The following TENM3 variants were observed in gnomAD, a reference collection of about 807,000 sequenced individuals.
The protein encoded by TENM3 is teneurin-3.
A neutral mutation model predicts 255.1 loss-of-function variants in TENM3; 63 were observed. The observed-to-expected ratio is 0.25, with a 90% CI of 0.20 to 0.30. The LOEUF (loss-of-function observed/expected upper bound fraction) is 0.30, where lower values mean the gene tolerates loss of function less well. Among genes scored for constraint, TENM3 ranks in the 10% least tolerant of loss-of-function variants. The probability of loss-of-function intolerance (pLI) is 1.00; values close to 1 mark genes in which losing one functional copy is unlikely to be tolerated. For synonymous variants in TENM3, 1,306 were observed against 1,322.3 expected (o/e 0.99, Z 0.27); for missense variants, 2,929 against 3,461.1 (o/e 0.85, Z 3.86).
the TENM3 span, among the ~76,000 whole-genome samples, chr4:181,609,227 T>C: frequency 6.6e-6 from 1 of 152,216 alleles, no homozygotes; most frequent in African/African-American, 2.4e-5. Context: ...AAATTTACAC[T>C]GTCAATGGTT....
the TENM3 span, among the ~76,000 whole-genome samples, chr4:181,584,622 C>T: frequency 2.6e-5 from 4 of 152,154 alleles, no homozygotes; most frequent in African/African-American, 4.8e-5. Context: ...TACGGTCCTA[C>T]CCCTAAGTTA....
rs1401109420 is a variant in TENM3, at chr4:182,796,644, C to A, written c.7221C>A (p.Asn2407Lys). The A allele has an allele frequency of 5.6e-6, 9 of 1,606,586 alleles. No individual in the cohort carries two copies. Among genetic ancestry groups the A allele is most frequent in the Non-Finnish European group, 6.8e-6 (8 of 1,176,868 alleles). ...TGAACATTCTTCTCCTAGATGTTAA[C>A]AGCTGGCTGGTGACATTTGGTTTCC... is the stretch of plus-strand genomic sequence containing the variant. ...HDVKDYITDV[N>K]SWLVTFGFHL... is the part of the protein sequence containing the mutation. Residue 2407 changes from asparagine (N) to lysine (K), a missense_variant, in exon 27 of 28, where the codon AAC becomes AAA. Transcript: ENST00000511685.
chr4:181,742,612 T>C, the TENM3 span, among the ~76,000 whole-genome samples: 2 of 152,118 alleles, frequency 1.3e-5, no homozygotes, highest in African/African-American at 4.8e-5. Context: ...ATAAGTACTA[T>C]GGAGAAAAAT....
At chr4:181,595,535 C>T in the TENM3 span, among the ~76,000 whole-genome samples, 8 of 151,378 alleles carry the variant, frequency 5.3e-5, no homozygotes, top group African/African-American at 9.7e-5. Context: ...GGACCAGCAA[C>T]GTGGATTTCA....
rs187746818 is a variant in TENM3 at position 182,361,235 on chromosome 4, G to A, written c.511+14306G>A. The stretch of plus-strand genomic sequence containing the variant: ...TCTTCTCGAGGAGTATCTTTGTGGC[G>A]TTCTCTGTATTTCCTGAATCTGAAT... On this transcript the variant is annotated intron_variant, in intron 3 of 27. Transcript: ENST00000511685. Among the ~76,000 whole-genome samples the A allele has an allele frequency of 2.3e-3, 345 of 152,102 alleles. 7 individuals are homozygous for A. The highest frequency in any genetic ancestry group is 2.9e-4 in the Non-Finnish European group (20 of 67,998).
At chr4:181,851,505 G>A in the TENM3 span, among the ~76,000 whole-genome samples, 5 of 152,130 alleles carry the variant, frequency 3.3e-5, no homozygotes, top group Non-Finnish European at 1.5e-5. Context: ...CCCATCTGTA[G>A]GGTAGATACG....
chr4:182,099,421 G>A, the TENM3 span, among the ~76,000 whole-genome samples: 229 of 152,242 alleles, frequency 1.5e-3, 10 homozygotes, highest in East Asian at 0.041. Context: ...TCTAGACCAA[G>A]GATAGACAAA....
chr4:181,593,529 G>C, the TENM3 span, among the ~76,000 whole-genome samples: 1 of 152,316 alleles, frequency 6.6e-6, no homozygotes, highest in African/African-American at 2.4e-5. Context: ...CTCCTGAAAT[G>C]ATGGCCAGAT....
chr4:181,632,772 C>T, the TENM3 span, among the ~76,000 whole-genome samples: 1 of 152,152 alleles, frequency 6.6e-6, no homozygotes, highest in Non-Finnish European at 1.5e-5. Context: ...TGTTGCCTTA[C>T]TGAGAGCCCT....
chr4:182,360,538 T>C (rs1356035072), intron 3 of TENM3, among the ~76,000 whole-genome samples: 1 of 151,738 alleles, frequency 6.6e-6, no homozygotes, highest in Non-Finnish European at 1.5e-5. Flanking sequence ...AGACTAGGAT[T>C]GCAACCCCTG....
In TENM3 at chr4:182,250,210, G is replaced by A. The variant is rs139942083; in HGVS notation, c.-76+6734G>A. Among the ~76,000 whole-genome samples, 314 of 151,550 alleles carry A rather than the reference G, an allele frequency of 2.1e-3. 2 individuals are homozygous for A. The highest frequency in any genetic ancestry group is 7.3e-3 in the African/African-American group (299 of 41,170). On this transcript the variant is annotated intron_variant, in intron 1 of 27. Coordinates refer to ENST00000511685, the MANE Select transcript of TENM3 (RefSeq NM_001080477.4). ...TGGGACCACAGGCGCCCGCCACCAC[G>A]CCCGGCTACTTTTTTGTATTTTTAG...
At chr4:181,536,919 T>C in the TENM3 span, among the ~76,000 whole-genome samples, 6 of 152,214 alleles carry the variant, frequency 3.9e-5, no homozygotes, top group Non-Finnish European at 1.5e-5. Context: ...TGGTGAACTC[T>C]GCTCAGTGAT....
intron 1 of TENM3, among the ~76,000 whole-genome samples, chr4:182,163,183 C>G (rs1383810870): frequency 6.6e-6 from 1 of 152,150 alleles, no homozygotes; most frequent in Non-Finnish European, 1.5e-5. Flanking sequence ...CTCTAGGGCT[C>G]TCATCCCTCA....
the TENM3 span, among the ~76,000 whole-genome samples, chr4:181,489,836 A>G: frequency 6.6e-6 from 1 of 152,338 alleles, no homozygotes; most frequent in East Asian, 1.9e-4. Context: ...ATTATGGTTC[A>G]TTTATAAATT....
chr4:181,882,039 T>C, the TENM3 span, among the ~76,000 whole-genome samples: 1 of 152,242 alleles, frequency 6.6e-6, no homozygotes, highest in East Asian at 1.9e-4. Flanking sequence ...GTGAAAATAC[T>C]CAAGTGTAAT....
the TENM3 span, among the ~76,000 whole-genome samples, chr4:181,555,986 G>A: frequency 4.1e-4 from 63 of 152,170 alleles, no homozygotes; most frequent in Admixed American, 6.6e-4. Flanking sequence ...AAGCCTTAAG[G>A]AACTTTGACA....
intron 4 of TENM3, among the ~76,000 whole-genome samples, chr4:182,624,925 G>A (rs979818471): frequency 2.0e-5 from 3 of 152,116 alleles, no homozygotes; most frequent in Non-Finnish European, 1.5e-5. Flanking sequence ...GATAATACGT[G>A]GTAATACTAT....
the TENM3 span, among the ~76,000 whole-genome samples, chr4:181,677,521 C>A: frequency 1.3e-5 from 2 of 152,100 alleles, no homozygotes; most frequent in East Asian, 3.9e-4. Flanking sequence ...TCCAATGCCT[C>A]TTCCATAGTC....
chr4:182,465,491 G>A (rs1239844688), intron 3 of TENM3, among the ~76,000 whole-genome samples: 3 of 152,222 alleles, frequency 2.0e-5, no homozygotes, highest in African/African-American at 4.8e-5. Context: ...TTTCCAGCCC[G>A]TTAGAACTGT....
Sources: gnomAD v4.1 joint callset for allele counts (sites outside exome capture counted in the v4.1 genomes callset) on GRCh38, gnomAD v4.1.1 for gene constraint, MANE v1.5 for transcripts, NCBI Gene and HGNC (gene_info 2026-07-23, HGNC 2026-07-21) for gene names.